The following GPC5 variants were observed in gnomAD, a reference collection of about 807,000 sequenced individuals.
GPC5 encodes the protein glypican 5, also known as glypican-5.
A neutral mutation model predicts 53.9 loss-of-function variants in GPC5; 47 were observed. The ratio of observed to expected loss-of-function variants is 0.87; its 90% CI spans 0.69 to 1.11. GPC5 has a LOEUF of 1.11. GPC5 is among the 50% of genes most tolerant of loss of function. The pLI, the probability that GPC5 is intolerant of heterozygous loss-of-function variation, is 0.00. For missense variants in GPC5, 748 were observed against 713.1 expected, an observed-to-expected ratio of 1.05 and a Z score of -0.56; for synonymous variants, 286 against 263.3, an observed-to-expected ratio of 1.09 and a Z score of -0.84.
chr13:92,265,208 A>G (rs2042795168), intron 7 of GPC5, among the ~76,000 whole-genome samples: 1 of 152,054 alleles, frequency 6.6e-6, no homozygotes, highest in South Asian at 2.1e-4. Flanking sequence ...AATTCTTTAT[A>G]TGGCCAGGGT....
Position 92,696,541 on chromosome 13 carries a change from GTTGT to G in GPC5, c.1562-169734_1562-169731del, listed in dbSNP as rs531502956. On this transcript the variant is annotated intron_variant, in intron 7 of 7. Transcript: ENST00000377067. ...TAGCCTTCGCCCACTTTTTGATGGG[GTTGT>G]TTGTTTTTTTCTTGTAAATTTGTGT... 2.7e-3 allele frequency among the ~76,000 whole-genome samples: 410 copies of G among 152,260 alleles called. 1 individual carries two copies. The highest frequency in any genetic ancestry group is 5.5e-3 in the African/African-American group (229 of 41,576).
chr13:91,816,948 A>T (rs1300975267), intron 5 of GPC5, among the ~76,000 whole-genome samples: 4 of 152,224 alleles, frequency 2.6e-5, no homozygotes, highest in African/African-American at 9.6e-5. Flanking sequence ...AAGGGAAAAA[A>T]GATGTCAAGT....
chr13:91,474,742 C>G (rs1882835662), intron 2 of GPC5, among the ~76,000 whole-genome samples: 19 of 151,972 alleles, frequency 1.3e-4, no homozygotes. Context: ...GAGGCTACCT[C>G]AAATATAGTT....
chr13:92,404,600 T>C (rs1424327157), intron 7 of GPC5, among the ~76,000 whole-genome samples: 1 of 131,484 alleles, frequency 7.6e-6, no homozygotes, highest in Non-Finnish European at 1.7e-5. Context: ...AAATATTCGG[T>C]TAATAAATAA....
intron 6 of GPC5, among the ~76,000 whole-genome samples, chr13:91,983,050 A>C (rs2040373882): frequency 6.6e-6 from 1 of 152,178 alleles, no homozygotes; most frequent in Admixed American, 6.6e-5. Flanking sequence ...GAGCAACATA[A>C]AAAGGACCCA....
chr13:91,705,946 T>C (rs531411311), intron 3 of GPC5, among the ~76,000 whole-genome samples: 1 of 149,944 alleles, frequency 6.7e-6, no homozygotes, highest in Non-Finnish European at 1.5e-5. Context: ...AGTGGCACGA[T>C]CTCGGCTCAT....
chr13:91,849,548 C>A (rs1338517629), intron 5 of GPC5, among the ~76,000 whole-genome samples: 1 of 151,758 alleles, frequency 6.6e-6, no homozygotes, highest in Non-Finnish European at 1.5e-5. Context: ...TTTGTGTATT[C>A]TGTTTGAATT....
At chr13:92,370,935 G>T (rs1438649409) in intron 7 of GPC5, among the ~76,000 whole-genome samples, 3 of 152,072 alleles carry the variant, frequency 2.0e-5, no homozygotes, top group Non-Finnish European at 4.4e-5. Context: ...GATCACCTGA[G>T]GTCAGGAGTT....
chr13:91,639,796 G>A (rs2034377300), intron 2 of GPC5, among the ~76,000 whole-genome samples: 2 of 152,180 alleles, frequency 1.3e-5, no homozygotes, highest in Non-Finnish European at 1.5e-5. Context: ...TGTTTTCTAA[G>A]TTCTTCACAA....
At position 92,866,929 on chromosome 13, in the gene GPC5, T is replaced by C; in HGVS notation, c.*490T>C. The C allele has an allele frequency of 6.6e-6, 1 of 152,194 alleles. No individual in the cohort carries two copies. Among genetic ancestry groups the C allele is most frequent in the East Asian group, 1.9e-4 (1 of 5,196 alleles). The allele number at this position is 152,194 out of a possible 1,614,324, so 9.4% of individuals were successfully genotyped here. A position where few individuals can be genotyped will look rare whatever the true frequency, so the allele number is the denominator to read the frequency against. On this transcript the variant is annotated 3_prime_UTR_variant, in exon 8 of 8. Transcript: ENST00000377067. ...CATGCATATTCAAGAGACTCTTCCATTTTTGCAAGCTGTAGAAGGAAATGT... is the reference window on the plus strand; with the variant it reads ...CATGCATATTCAAGAGACTCTTCCACTTTTGCAAGCTGTAGAAGGAAATGT...
intron 6 of GPC5, among the ~76,000 whole-genome samples, chr13:92,104,510 T>C (rs1163689526): frequency 2.0e-5 from 3 of 152,188 alleles, no homozygotes; most frequent in East Asian, 1.9e-4. Flanking sequence ...AGGCTCTCTA[T>C]GTAAGTAGGT....
intron 7 of GPC5, among the ~76,000 whole-genome samples, chr13:92,683,134 C>T (rs1030265839): frequency 3.3e-5 from 5 of 151,646 alleles, no homozygotes; most frequent in Admixed American, 1.3e-4. Context: ...TTAGAGATGG[C>T]GCTATTCCCA....
At chr13:92,744,191 A>C (rs187597437) in intron 7 of GPC5, among the ~76,000 whole-genome samples, 177 of 152,044 alleles carry the variant, frequency 1.2e-3, no homozygotes, top group African/African-American at 3.8e-3. Context: ...AGATGTGAGA[A>C]TGGAGAAGAA....
At chr13:91,926,938 T>C (rs1283079933) in intron 6 of GPC5, among the ~76,000 whole-genome samples, 3 of 152,224 alleles carry the variant, frequency 2.0e-5, no homozygotes, top group Non-Finnish European at 4.4e-5. Flanking sequence ...ATGATCCATC[T>C]TTGTGTACAG....
intron 3 of GPC5, among the ~76,000 whole-genome samples, chr13:91,711,858 T>C (rs1045116736): frequency 6.6e-6 from 1 of 152,210 alleles, no homozygotes; most frequent in Admixed American, 6.5e-5. Flanking sequence ...GAATGTGGCC[T>C]AGTATGTGGC....
At chr13:91,758,149 A>C (rs2037334643) in intron 5 of GPC5, among the ~76,000 whole-genome samples, 1 of 152,070 alleles carries the variant, frequency 6.6e-6, no homozygotes, top group Non-Finnish European at 1.5e-5. Context: ...TGGATGTTGC[A>C]ATGTAACAAT....
At chr13:92,051,948 A>G (rs1351752451) in intron 6 of GPC5, among the ~76,000 whole-genome samples, 1 of 152,214 alleles carries the variant, frequency 6.6e-6, no homozygotes, top group Admixed American at 6.5e-5. Flanking sequence ...GAATGCTTTT[A>G]TAGTTCCAAA....
At chr13:92,525,619 C>T (rs1881247138) in intron 7 of GPC5, among the ~76,000 whole-genome samples, 1 of 152,016 alleles carries the variant, frequency 6.6e-6, no homozygotes, top group South Asian at 2.1e-4. Flanking sequence ...GAGATTCCAC[C>T]TAGTATACTG....
chr13:91,524,027 A>C (rs1054521243), intron 2 of GPC5, among the ~76,000 whole-genome samples: 1 of 152,058 alleles, frequency 6.6e-6, no homozygotes, highest in Non-Finnish European at 1.5e-5. Flanking sequence ...TGTGAATACT[A>C]TAATAAATAT....
Sources: allele counts gnomAD v4.1 joint callset (sites outside exome capture counted in the v4.1 genomes callset), GRCh38; gene constraint gnomAD v4.1.1; transcripts MANE v1.5; gene names NCBI Gene and HGNC (gene_info 2026-07-23, HGNC 2026-07-21).